UACA: variants seen among roughly 807,000 people sequenced by gnomAD.
The protein encoded by UACA is nuclear membrane binding protein.
UACA carries 112 observed loss-of-function variants against 160.5 expected under a neutral mutation model. The ratio of observed to expected loss-of-function variants is 0.70; its 90% CI spans 0.60 to 0.82. The LOEUF (loss-of-function observed/expected upper bound fraction) is 0.82, where lower values mean the gene tolerates loss of function less well. UACA is among the 40% of genes least tolerant of loss of function. The pLI is 0.00. For synonymous variants in UACA, 557 were observed against 568.4 expected (o/e 0.98, Z 0.29); for missense variants, 1,574 against 1,614.6 (o/e 0.97, Z 0.43).
chr15:70,745,535 T>G (rs1377958489), intron 1 of UACA, among the ~76,000 whole-genome samples: 1 of 151,568 alleles, frequency 6.6e-6, no homozygotes, highest in Non-Finnish European at 1.5e-5. Context: ...AGCCATACAG[T>G]CCAAAATAAT....
chr15:70,693,819 T>G (rs1898026761), intron 3 of UACA, among the ~76,000 whole-genome samples: 1 of 152,074 alleles, frequency 6.6e-6, no homozygotes, highest in African/African-American at 2.4e-5. Context: ...TCTGAAGAGG[T>G]AAGGTTAGTC....
In UACA at chr15:70,684,288, G is replaced by A. The variant is rs201109696; in HGVS notation, c.761C>T (p.Thr254Ile). The part of the protein sequence containing the change: ...DNLDILTLLK[T>I]ASENTNKGRE... ...ACCTTTGTTGGTATTTTCCGATGCA[G>A]TCTTCAACAAGGTTAGAATGTCCAG... Residue 254 changes from threonine (T) to isoleucine (I), a missense_variant, in exon 8 of 19, where the codon ACT becomes ATT. Thr to Ile is a moderately conservative substitution (Grantham distance 89, BLOSUM62 -1). Transcript: ENST00000322954. 6.2e-7 allele frequency: 1 copy of A among 1,610,582 alleles called. No individual in the cohort carries two copies. Among genetic ancestry groups the A allele is most frequent in the Non-Finnish European group, 8.5e-7 (1 of 1,178,870 alleles).
At chr15:70,736,596 G>A (rs558369379) in intron 1 of UACA, among the ~76,000 whole-genome samples, 117 of 151,826 alleles carry the variant, frequency 7.7e-4, no homozygotes, top group African/African-American at 2.6e-3. Flanking sequence ...CACCACGCCC[G>A]GCTATTTTTT....
chr15:70,673,880 G>C (rs996966979), intron 13 of UACA, among the ~76,000 whole-genome samples: 1 of 152,118 alleles, frequency 6.6e-6, no homozygotes, highest in African/African-American at 2.4e-5. Context: ...GGTTGGTTTT[G>C]AGACAGGGTC....
intron 1 of UACA, among the ~76,000 whole-genome samples, chr15:70,749,577 T>C (rs1197390859): frequency 6.7e-6 from 1 of 149,340 alleles, no homozygotes; most frequent in Non-Finnish European, 1.5e-5. Flanking sequence ...TGGGCACCTG[T>C]AGTCCCAGCT....
intron 1 of UACA, among the ~76,000 whole-genome samples, chr15:70,760,154 C>T (rs2030658171): frequency 6.6e-6 from 1 of 151,616 alleles, no homozygotes; most frequent in Non-Finnish European, 1.5e-5. Context: ...ATTAAGTACC[C>T]ATAGAGGAAA....
At chr15:70,684,200 T>C in intron 8 of UACA, 65 bp downstream of exon 8, 3 of 1,423,446 alleles carry the variant, frequency 2.1e-6, no homozygotes, top group Non-Finnish European at 2.9e-6. Context: ...TTCTACTACC[T>C]AAGTCTTTTA....
At chr15:70,770,368 T>C in the UACA span, among the ~76,000 whole-genome samples, 2 of 152,236 alleles carry the variant, frequency 1.3e-5, no homozygotes, top group African/African-American at 4.8e-5. Flanking sequence ...AATAGCATAT[T>C]TTATTCAAAG....
chr15:70,766,911 G>C (rs1023433453), upstream of UACA, among the ~76,000 whole-genome samples: 1 of 152,150 alleles, frequency 6.6e-6, no homozygotes, highest in South Asian at 2.1e-4. Context: ...CGGCAAAAAC[G>C]ATGACAAATA....
At chr15:70,729,897 G>C (rs1221144585) in intron 1 of UACA, among the ~76,000 whole-genome samples, 1 of 116,488 alleles carries the variant, frequency 8.6e-6, no homozygotes, top group Non-Finnish European at 1.7e-5. Context: ...CACCTCACAC[G>C]GCAGGGTATT....
intron 1 of UACA, among the ~76,000 whole-genome samples, chr15:70,710,801 T>A (rs1388359947): frequency 6.6e-6 from 1 of 152,190 alleles, no homozygotes; most frequent in Non-Finnish European, 1.5e-5. Context: ...TGGTTCACCA[T>A]CCTCCAGGTG....
chr15:70,767,846 G>A (rs1013312446), upstream of UACA, among the ~76,000 whole-genome samples: 5 of 152,142 alleles, frequency 3.3e-5, no homozygotes, highest in Admixed American at 2.0e-4. Flanking sequence ...GCAGAACCAC[G>A]TGTGGCCACA....
chr15:70,661,997 G>C lies in UACA; in HGVS notation c.4114-1781C>G, dbSNP rs1409246085. Among the ~76,000 whole-genome samples, 7 of 152,140 alleles carry C rather than the reference G, an allele frequency of 4.6e-5. No homozygotes were observed. The East Asian group carries it at 1.3e-3, about 29-fold the overall frequency. ...GCCACTCCTATTCAACATAGTATTG[G>C]AAGTTCTGGCCAGGGCAATCAGGCA... On this transcript the variant is annotated intron_variant, in intron 17 of 18. Coordinates refer to ENST00000322954, the MANE Select transcript of UACA (RefSeq NM_018003.4).
chr15:70,692,711 A>G (rs1200477354), intron 3 of UACA, among the ~76,000 whole-genome samples: 1 of 152,178 alleles, frequency 6.6e-6, no homozygotes, highest in Non-Finnish European at 1.5e-5. Context: ...TCAAGGCTGC[A>G]GTAGCCATGA....
At chr15:70,691,706 A>G (rs1025191310) in intron 3 of UACA, among the ~76,000 whole-genome samples, 3 of 152,226 alleles carry the variant, frequency 2.0e-5, no homozygotes, top group Admixed American at 1.3e-4. Context: ...GAGAAAGACA[A>G]TGAGGAAAGA....
intron 15 of UACA, among the ~76,000 whole-genome samples, chr15:70,670,053 G>A (rs1439537594): frequency 2.0e-5 from 3 of 152,156 alleles, no homozygotes; most frequent in Non-Finnish European, 2.9e-5. Flanking sequence ...GAGTTGTCAA[G>A]AGAATGATTG....
intron 1 of UACA, chr15:70,754,258 G>C: frequency 4.8e-6 from 2 of 419,698 alleles, no homozygotes; most frequent in Non-Finnish European, 9.5e-6. Flanking sequence ...TTAGACTTAG[G>C]ATTTTTTGAC....
At chr15:70,666,615 A>G in intron 16 of UACA, 109 bp downstream of exon 16, 1 of 887,062 alleles carries the variant, frequency 1.1e-6, no homozygotes, top group Non-Finnish European at 1.6e-6. Flanking sequence ...GCTAAACTGG[A>G]AAGGGTCACT....
At chr15:70,760,163 AAG>A (rs1237384924) in intron 1 of UACA, among the ~76,000 whole-genome samples, 6 of 152,320 alleles carry the variant, frequency 3.9e-5, no homozygotes, top group Admixed American at 3.9e-4. Flanking sequence ...CCATAGAGGA[AAG>A]AGAAGAAAGT....
Sources: allele counts gnomAD v4.1 joint callset (sites outside exome capture counted in the v4.1 genomes callset), GRCh38; gene constraint gnomAD v4.1.1; transcripts MANE v1.5; gene names NCBI Gene and HGNC (gene_info 2026-07-23, HGNC 2026-07-21).